The following SYTL5 variants were observed in gnomAD, a reference collection of about 807,000 sequenced individuals.
SYTL5 encodes synaptotagmin-like protein 5.
Under a neutral mutation model 55.9 loss-of-function variants are expected in SYTL5, and 34 were observed. The ratio of observed to expected loss-of-function variants is 0.61; its 90% CI spans 0.46 to 0.81. The LOEUF is 0.81. Among genes scored for constraint, SYTL5 ranks in the 30% least tolerant of loss-of-function variants. The pLI, the probability that SYTL5 is intolerant of heterozygous loss-of-function variation, is 0.00. For synonymous variants in SYTL5, 221 were observed against 188.7 expected, an observed-to-expected ratio of 1.17 and a Z score of -1.40; for missense variants, 637 against 546.7, an observed-to-expected ratio of 1.17 and a Z score of -1.65.
chrX:38,039,651 T>C (rs1204447563), intron 2 of SYTL5, among the ~76,000 whole-genome samples: 1 of 111,865 alleles, frequency 8.9e-6, no homozygotes, highest in Non-Finnish European at 1.9e-5. Flanking sequence ...TATTGTGAGC[T>C]TTATTCTCAC....
At chrX:38,120,275 TA>T in intron 13 of SYTL5, 82 bp from the exon 14 acceptor site, 1 of 664,982 alleles carries the variant, frequency 1.5e-6, no homozygotes, top group South Asian at 2.5e-5. Context: ...TGCCACTAAG[TA>T]AATATTGCAC....
chrX:37,981,157 A>G, the SYTL5 span, among the ~76,000 whole-genome samples: 1 of 112,385 alleles, frequency 8.9e-6, no homozygotes, highest in African/African-American at 3.2e-5. Context: ...GGCATTCTCA[A>G]AAACAGTGGA....
At position 38,120,444 on chromosome X, in the gene SYTL5, G is replaced by A. The variant is rs1937558041; in HGVS notation, c.1683G>A (p.Met561Ile). 1.4e-5 allele frequency: 17 copies of A among 1,202,999 alleles called. No individual in the cohort carries two copies. The highest frequency in any genetic ancestry group is 1.9e-5 in the Non-Finnish European group (17 of 888,881). Residue 561 changes from methionine to isoleucine, a missense_variant, in exon 14 of 17, where the codon ATG (methionine) becomes ATA (isoleucine). Met to Ile is a conservative substitution (Grantham distance 10, BLOSUM62 1). Coordinates refer to ENST00000297875, the MANE Select transcript of SYTL5 (RefSeq NM_138780.3). ...LRYIPPEENL[M>I]LPPEQLQGNK... ...ACATTCCCCCAGAAGAGAACCTGATGCTTCCACCAGAACAACTCCAAGGTA... is the reference window on the plus strand; with the variant it reads ...ACATTCCCCCAGAAGAGAACCTGATACTTCCACCAGAACAACTCCAAGGTA...
At chrX:37,928,929 C>T in the SYTL5 span, among the ~76,000 whole-genome samples, 1 of 111,898 alleles carries the variant, frequency 8.9e-6, no homozygotes, top group Non-Finnish European at 1.9e-5. Context: ...CCTAATTAGT[C>T]ATATGTGCTT....
chrX:38,015,736 G>T (rs180778120), intron 1 of SYTL5, among the ~76,000 whole-genome samples: 2 of 109,483 alleles, frequency 1.8e-5, no homozygotes, highest in East Asian at 5.7e-4. Flanking sequence ...TTCACAGTGC[G>T]TTTAGCCATC....
At chrX:38,110,544 T>A (rs1428284527) in intron 13 of SYTL5, 62 bp downstream of exon 13, 2 of 941,120 alleles carry the variant, frequency 2.1e-6, no homozygotes, top group African/African-American at 4.0e-5. Context: ...GAAATTGATG[T>A]CACAGACCTA....
intron 15 of SYTL5, among the ~76,000 whole-genome samples, chrX:38,124,988 C>T (rs971869213): frequency 9.0e-6 from 1 of 111,699 alleles, no homozygotes; most frequent in Non-Finnish European, 1.9e-5. Flanking sequence ...CAGGAACTTC[C>T]CATCCTGGCT....
At chrX:38,048,462 C>T (rs1373964572) in intron 2 of SYTL5, among the ~76,000 whole-genome samples, 1 of 107,330 alleles carries the variant, frequency 9.3e-6, no homozygotes, top group Non-Finnish European at 1.9e-5. Context: ...TCTACTGGCA[C>T]CACTTTACTT....
rs1215669242 is a variant in SYTL5 at position 38,013,488 on chromosome X, C to G, written c.-357+6820C>G. Reference sequence around the variant, plus strand: ...GCTCCTAATGATAATGCCAAAGGCTCACACTTTCTGAGGATTTACCGTGAC... The same window carrying G: ...GCTCCTAATGATAATGCCAAAGGCTGACACTTTCTGAGGATTTACCGTGAC... On this transcript the variant is annotated intron_variant, in intron 1 of 16. Transcript: ENST00000297875. Among the ~76,000 whole-genome samples, 4 of 111,428 alleles carry G rather than the reference C, an allele frequency of 3.6e-5. No homozygotes were observed. The South Asian group carries it at 1.5e-3, about 42-fold the overall frequency.
At position 38,112,909 on chromosome X, in the gene SYTL5, G is replaced by A. The variant is rs761950884; in HGVS notation, c.1596+2427G>A. ...ATGCAGTCGAGAAGGTGAAACATGA[G>A]TTACACATACTGATTTCCCTAGTAA... On this transcript the variant is annotated intron_variant, in intron 13 of 16. Coordinates refer to ENST00000297875, the MANE Select transcript of SYTL5 (RefSeq NM_138780.3). Among the ~76,000 whole-genome samples, 6 of 112,352 alleles carry A rather than the reference G, an allele frequency of 5.3e-5. No individual in the cohort carries two copies. In the South Asian group the frequency reaches 2.3e-3, roughly 42 times the overall value.
At chrX:37,985,112 T>C in the SYTL5 span, among the ~76,000 whole-genome samples, 1 of 111,998 alleles carries the variant, frequency 8.9e-6, no homozygotes, top group African/African-American at 3.2e-5. Flanking sequence ...TATTGTACTA[T>C]GGGTTCTACC....
At position 38,073,683 on chromosome X, in the gene SYTL5, G is replaced by T; in HGVS notation, c.539G>T (p.Gly180Val). ...PVAGKKASHD[G>V]PKRKGFLLSK... ...GCTGGGAAGAAGGCCAGCCATGATG[G>T]GCCCAAGAGAAAGGGGTAAGACATG... Residue 180 changes from glycine to valine, a missense_variant, in exon 5 of 17, where the codon GGG (glycine) becomes GTG (valine). Transcript: ENST00000297875. 1 of 1,186,681 alleles carries T rather than the reference G, an allele frequency of 8.4e-7. No individual in the cohort carries two copies. The highest frequency in any genetic ancestry group is 1.1e-6 in the Non-Finnish European group (1 of 879,575).
At position 38,106,668 on chromosome X, in the gene SYTL5, C is replaced by A. The variant is rs760066686; in HGVS notation, c.1231C>A (p.Leu411Ile). The change falls in exon 11 of 17, where the codon CTT becomes ATT. Residue 411 changes from leucine (L) to isoleucine (I), a missense_variant. Leu to Ile is a conservative substitution (Grantham distance 5). Transcript: ENST00000297875. ...YGNVKVSGEILLHISYCYKTG... is the reference protein window; with the variant it reads ...YGNVKVSGEIILHISYCYKTG... ...CAACGTGAAAGTCAGTGGTGAAATC[C>A]TTCTCCATATCAGCTACTGCTACAA... is the stretch of plus-strand genomic sequence containing the variant. 8.3e-7 allele frequency: 1 copy of A among 1,208,439 alleles called. No homozygotes were observed.
the SYTL5 span, among the ~76,000 whole-genome samples, chrX:37,996,686 G>A: frequency 2.7e-5 from 3 of 111,957 alleles, no homozygotes; most frequent in African/African-American, 9.7e-5. Flanking sequence ...GCAAGGCCTG[G>A]TTATCAGGCT....
chrX:37,891,459 G>T, the SYTL5 span, among the ~76,000 whole-genome samples: 1 of 111,804 alleles, frequency 8.9e-6, no homozygotes, highest in African/African-American at 3.2e-5. Context: ...ATTAGTGCTT[G>T]CCTAAGGCTG....
At chrX:37,891,176 A>G in the SYTL5 span, among the ~76,000 whole-genome samples, 1 of 112,286 alleles carries the variant, frequency 8.9e-6, no homozygotes, top group African/African-American at 3.2e-5. Flanking sequence ...AAGCTGATAC[A>G]TGAATGTTCA....
the SYTL5 span, among the ~76,000 whole-genome samples, chrX:37,992,478 C>T: frequency 8.8e-6 from 1 of 113,048 alleles, no homozygotes; most frequent in Non-Finnish European, 1.9e-5. Context: ...ATTAGACCTT[C>T]AATTACTCCC....
Position 38,110,326 on chromosome X carries a change from T to C in SYTL5, c.1440T>C (p.Thr480=). The change falls in exon 13 of 17, where the codon ACT becomes ACC. Residue 480 remains threonine, a synonymous_variant. Transcript: ENST00000297875. ...GTTGTAAATCTCATTCGCAGTACACTATCAGCCATACCCAGCTGGAAACAA... is the reference window on the plus strand; with the variant it reads ...GTTGTAAATCTCATTCGCAGTACACCATCAGCCATACCCAGCTGGAAACAA... ...NPEFNETLKY[T]ISHTQLETRT... 8.3e-7 allele frequency: 1 copy of C among 1,203,052 alleles called. No homozygotes were observed. Among genetic ancestry groups the C allele is most frequent in the Non-Finnish European group, 1.1e-6 (1 of 890,799 alleles).
chrX:38,120,475 A>C lies in SYTL5; in HGVS notation c.1705+9A>C. Reference sequence around the variant, plus strand: ...ACCAGAACAACTCCAAGGTAGAGTAAAAATCAATGACTTTGATCAATGACA... The same window carrying C: ...ACCAGAACAACTCCAAGGTAGAGTACAAATCAATGACTTTGATCAATGACA... On this transcript the variant is annotated intron_variant, in intron 14 of 16. Coordinates refer to ENST00000297875, the MANE Select transcript of SYTL5 (RefSeq NM_138780.3). 1 of 1,138,310 alleles carries C rather than the reference A, an allele frequency of 8.8e-7. No homozygotes were observed. The highest frequency in any genetic ancestry group is 1.2e-6 in the Non-Finnish European group (1 of 828,824). The allele number at this position is 1,138,310 out of a possible 1,213,427, so 93.8% of individuals were successfully genotyped here. A position where few individuals can be genotyped will look rare whatever the true frequency, so the allele number is the denominator to read the frequency against.
Sources: gnomAD v4.1 joint callset for allele counts (sites outside exome capture counted in the v4.1 genomes callset) on GRCh38, gnomAD v4.1.1 for gene constraint, MANE v1.5 for transcripts, NCBI Gene and HGNC (gene_info 2026-07-23, HGNC 2026-07-21) for gene names.